The following PCDHGA4 variants were observed in gnomAD, a reference collection of about 807,000 sequenced individuals.
The protein encoded by PCDHGA4 is protocadherin gamma-A4.
In PCDHGA4, 38 loss-of-function variants were observed where a neutral mutation model predicts 54.6. That is an observed-to-expected ratio of 0.70 (90% CI 0.54 to 0.91). The LOEUF is 0.91. Ranked by LOEUF, PCDHGA4 falls within the 40% of genes least tolerant of loss-of-function variation. The pLI, the probability that PCDHGA4 is intolerant of heterozygous loss-of-function variation, is 0.00. For synonymous variants in PCDHGA4, 511 were observed against 512.9 expected (o/e 1.00, Z 0.05); for missense variants, 1,298 against 1,220.9 (o/e 1.06, Z -0.94).
At chr5:141,371,614 A>T in intron 1 of PCDHGA4, 2 of 1,614,024 alleles carry the variant, frequency 1.2e-6, no homozygotes, top group Non-Finnish European at 1.7e-6. Context: ...TTGGTGACAG[A>T]TGGAGCCCTG....
intron 1 of PCDHGA4, chr5:141,399,391 G>C: frequency 2.5e-6 from 4 of 1,613,964 alleles, no homozygotes; most frequent in Non-Finnish European, 3.4e-6. Flanking sequence ...CACAGCCACA[G>C]ACAGGGGCAA....
intron 1 of PCDHGA4, chr5:141,392,663 A>C: frequency 1.2e-6 from 1 of 810,712 alleles, no homozygotes; most frequent in Non-Finnish European, 1.8e-6. Flanking sequence ...GATGCCACAA[A>C]CTAACTGCTG....
chr5:141,499,457 T>G (rs1000400491), intron 2 of PCDHGA4, among the ~76,000 whole-genome samples: 1 of 152,214 alleles, frequency 6.6e-6, no homozygotes, highest in African/African-American at 2.4e-5. Context: ...CCCATCATTT[T>G]ACAATCTAGG....
At position 141,393,344 on chromosome 5, in the gene PCDHGA4, C is replaced by G. The variant is rs1428830318; in HGVS notation, c.2514+35723C>G. On this transcript the variant is annotated intron_variant, in intron 1 of 3. Transcript: ENST00000571252. ...GCTACCAGCTCAGCCCCAATCACCA[C>G]TTCTCCCTGGACGTGCAGACTGGAG... The G allele has an allele frequency of 9.9e-6, 16 of 1,613,888 alleles. No individual in the cohort carries two copies. The highest frequency in any genetic ancestry group is 1.2e-5 in the Non-Finnish European group (14 of 1,179,904).
At chr5:141,393,619 C>G (rs768350628) in intron 1 of PCDHGA4, 2 of 1,613,826 alleles carry the variant, frequency 1.2e-6, no homozygotes, top group Non-Finnish European at 1.7e-6. Flanking sequence ...GCCAGCGACC[C>G]GGATGAGGGA....
At chr5:141,400,456 T>C (rs1439726103) in intron 1 of PCDHGA4, 2 of 1,614,090 alleles carry the variant, frequency 1.2e-6, no homozygotes, top group Non-Finnish European at 1.7e-6. Flanking sequence ...AGACATACTT[T>C]GTGGTGATTC....
chr5:141,393,497 C>T (rs375522990), intron 1 of PCDHGA4: 705 of 1,613,952 alleles, frequency 4.4e-4, no homozygotes, highest in Non-Finnish European at 5.6e-4. Flanking sequence ...CAGTGCGCAT[C>T]CACGTGACAG....
chr5:141,494,048 G>C (rs764072099), intron 1 of PCDHGA4, among the ~76,000 whole-genome samples: 3 of 152,148 alleles, frequency 2.0e-5, no homozygotes, highest in Non-Finnish European at 2.9e-5. Flanking sequence ...GGCCCTGCTT[G>C]GAGGCTGTGG....
chr5:141,509,224 T>G (rs1241668369), intron 3 of PCDHGA4, among the ~76,000 whole-genome samples: 3 of 152,176 alleles, frequency 2.0e-5, no homozygotes, highest in Non-Finnish European at 2.9e-5. Flanking sequence ...AATCCCTGGT[T>G]GATGTCCCAG....
chr5:141,393,113 G>T (rs1296597974), intron 1 of PCDHGA4: 1 of 1,613,500 alleles, frequency 6.2e-7, no homozygotes. Context: ...CTCAGAGCCC[G>T]CGGTGTCTGA....
At chr5:141,405,567 G>A in intron 1 of PCDHGA4, 2 of 608,222 alleles carry the variant, frequency 3.3e-6, no homozygotes, top group Non-Finnish European at 5.8e-6. Context: ...TGGGACTAGA[G>A]TAGAGTAGCT....
At chr5:141,379,831 C>G (rs1242791393) in intron 1 of PCDHGA4, among the ~76,000 whole-genome samples, 1 of 142,262 alleles carries the variant, frequency 7.0e-6, no homozygotes, top group Non-Finnish European at 1.5e-5. Flanking sequence ...TTTGAAGCAT[C>G]AGGAAAAAAA....
Position 141,476,538 on chromosome 5 carries a change from A to G in PCDHGA4, c.2515-18269A>G, listed in dbSNP as rs2099393283. ...CCTGCTTTCCCTACCCAGGAAATGAAATTGGAGATTAGCGAGGCCGTGGCT... is the reference window on the plus strand; with the variant it reads ...CCTGCTTTCCCTACCCAGGAAATGAGATTGGAGATTAGCGAGGCCGTGGCT... On this transcript the variant is annotated intron_variant, in intron 1 of 3. Coordinates refer to ENST00000571252, the MANE Select transcript of PCDHGA4 (RefSeq NM_018917.4). The surrounding 1 kb of genome is among the most constrained non-coding windows in gnomAD (Gnocchi z 7.6). 1.2e-6 allele frequency: 2 copies of G among 1,614,162 alleles called. No homozygotes were observed. Among genetic ancestry groups the G allele is most frequent in the Non-Finnish European group, 1.7e-6 (2 of 1,180,042 alleles).
chr5:141,492,557 G>A (rs2154587614), intron 1 of PCDHGA4, among the ~76,000 whole-genome samples: 1 of 152,350 alleles, frequency 6.6e-6, no homozygotes, highest in East Asian at 1.9e-4. Flanking sequence ...TCGCCTGGGG[G>A]GCGGCCTGAG....
At chr5:141,364,576 C>T (rs1420937059) in intron 1 of PCDHGA4, 1 of 1,614,210 alleles carries the variant, frequency 6.2e-7, no homozygotes. Flanking sequence ...CGCGAAGCGG[C>T]AGCTTGGTCA....
At chr5:141,374,365 G>T (rs1180030505) in intron 1 of PCDHGA4, 2 of 1,614,054 alleles carry the variant, frequency 1.2e-6, no homozygotes, top group South Asian at 1.1e-5. Flanking sequence ...ACCGCGAGGA[G>T]CTCTGTGCTC....
chr5:141,403,358 G>C (rs1031210052), intron 1 of PCDHGA4: 3 of 1,614,026 alleles, frequency 1.9e-6, no homozygotes, highest in Non-Finnish European at 2.5e-6. Flanking sequence ...GTTCCAGGCC[G>C]AAAGTCTGGA....
rs775312856 is a variant in PCDHGA4, at chr5:141,485,899, C to G, written c.2515-8908C>G. 1.9e-6 allele frequency: 3 copies of G among 1,614,166 alleles called. No homozygotes were observed. Among genetic ancestry groups the G allele is most frequent in the Non-Finnish European group, 2.5e-6 (3 of 1,180,032 alleles). ...ACGTAAACGACAACGCCCCAGCCTT[C>G]CAGCAATCCAGCTACAGGATTAGTG... On this transcript the variant is annotated intron_variant, in intron 1 of 3. Transcript: ENST00000571252. The surrounding 1 kb of genome is among the most constrained non-coding windows in gnomAD (Gnocchi z 5.7).
At chr5:141,415,686 G>A in intron 1 of PCDHGA4, 2 of 1,535,424 alleles carry the variant, frequency 1.3e-6, no homozygotes, top group Non-Finnish European at 1.8e-6. Context: ...GCGGCATGAT[G>A]GTGGAAAGTG....
Sources: allele counts gnomAD v4.1 joint callset (sites outside exome capture counted in the v4.1 genomes callset), GRCh38; gene constraint gnomAD v4.1.1; non-coding constraint Gnocchi (gnomAD v3.1); transcripts MANE v1.5; gene names NCBI Gene and HGNC (gene_info 2026-07-23, HGNC 2026-07-21).